The following TLE3 variants were observed in gnomAD, a reference collection of about 807,000 sequenced individuals.
TLE3 encodes the protein transducin-like enhancer protein 3.
TLE3 carries 14 observed loss-of-function variants against 93.0 expected under a neutral mutation model. That is an observed-to-expected ratio of 0.15 (90% CI 0.10 to 0.24). The LOEUF (loss-of-function observed/expected upper bound fraction) is 0.24. Among genes scored for constraint, TLE3 ranks in the 10% least tolerant of loss-of-function variants. TLE3 has a pLI of 1.00. For synonymous variants in TLE3, 451 were observed against 425.0 expected (o/e 1.06, Z -0.75); for missense variants, 693 against 1,046.6 (o/e 0.66, Z 4.66).
At chr15:70,061,980 C>A (rs573105934) in intron 8 of TLE3, among the ~76,000 whole-genome samples, 2 of 152,172 alleles carry the variant, frequency 1.3e-5, no homozygotes, top group African/African-American at 4.8e-5. Flanking sequence ...TTCCCAGAGG[C>A]CAAGCGTGGC....
chr15:70,089,941 T>C (rs1165986007), intron 4 of TLE3, among the ~76,000 whole-genome samples: 2 of 151,922 alleles, frequency 1.3e-5, no homozygotes, highest in Non-Finnish European at 2.9e-5. Flanking sequence ...AGAGAATGAG[T>C]CCCGAATTAG....
chr15:70,082,777 C>G (rs1194851276), intron 4 of TLE3, among the ~76,000 whole-genome samples: 10 of 152,222 alleles, frequency 6.6e-5, no homozygotes, highest in African/African-American at 2.4e-4. Context: ...CCCCTGTACC[C>G]TTCACAGGCG....
chr15:70,059,523 GC>G lies in TLE3; in HGVS notation c.715-64del, dbSNP rs2056326277. ...CCACACTTTCCCCACCCCTGACTGAGCCCAAACCACCCTGTCCTTCTACTGG... is the reference window on the plus strand; with the variant it reads ...CCACACTTTCCCCACCCCTGACTGAGCCAAACCACCCTGTCCTTCTACTGG... On this transcript the variant is annotated intron_variant, in intron 9 of 19. Coordinates refer to ENST00000451782, the MANE Select transcript of TLE3 (RefSeq NM_001105192.3). 12 of 1,516,104 alleles carry G rather than the reference GC, an allele frequency of 7.9e-6. No individual in the cohort carries two copies. The South Asian group carries it at 1.3e-4, about 17-fold the overall frequency. The allele number at this position is 1,516,104 out of a possible 1,614,324, so 93.9% of individuals were successfully genotyped here. A position where few individuals can be genotyped will look rare whatever the true frequency, so the allele number is the denominator to read the frequency against.
intron 6 of TLE3, among the ~76,000 whole-genome samples, chr15:70,069,494 C>T (rs569086718): frequency 2.2e-4 from 33 of 152,294 alleles, no homozygotes; most frequent in Non-Finnish European, 3.5e-4. Flanking sequence ...CAGGTAGGAG[C>T]GTCCTCTTTG....
In TLE3 at chr15:70,096,632, G is replaced by A. The variant is rs1407062224; in HGVS notation, c.24+143C>T. 7 of 1,547,166 alleles carry A rather than the reference G, an allele frequency of 4.5e-6. No homozygotes were observed. The East Asian group carries it at 1.2e-4, about 27-fold the overall frequency. ...CCTCCTCTCTCAACGGCGCCCCCCG[G>A]CCGCATCCCCCTTTGTGTGAGAGCA... On this transcript the variant is annotated intron_variant, in intron 1 of 19. Transcript: ENST00000451782.
chr15:70,075,844 A>C (rs139353337), intron 5 of TLE3, among the ~76,000 whole-genome samples: 223 of 152,298 alleles, frequency 1.5e-3, no homozygotes, highest in African/African-American at 5.2e-3. Flanking sequence ...CCAGCACTCC[A>C]ATCTCTGGAC....
intron 4 of TLE3, chr15:70,079,310 C>T (rs1438444495): frequency 4.2e-6 from 2 of 479,964 alleles, no homozygotes; most frequent in East Asian, 7.3e-5. Flanking sequence ...CGAAGAGAGG[C>T]CTCTCTGCAA....
chr15:70,057,530 G>A lies in TLE3; in HGVS notation c.1180C>T (p.Pro394Ser), dbSNP rs773096656. 6 of 1,607,274 alleles carry A rather than the reference G, an allele frequency of 3.7e-6. No homozygotes were observed. In the African/African-American group the frequency reaches 6.7e-5, roughly 18 times the overall value. Residue 394 changes from proline to serine, a missense_variant, in exon 13 of 20, where the codon CCC (proline) becomes TCC (serine). Around this residue, in one of 4 missense-constraint regions of TLE3, gnomAD observed 405 missense variants for 468.9 expected, o/e 0.86. Coordinates refer to ENST00000451782, the MANE Select transcript of TLE3 (RefSeq NM_001105192.3). ...GAYAGLHNIP[P>S]QMSAAAAAAA... ...GCAGCGGCGGCGGCGCTCATCTGGG[G>A]TGGGATGTTGTGGAGGCCGGCGTAG...
chr15:70,094,942 T>C (rs1006751330), intron 3 of TLE3, among the ~76,000 whole-genome samples: 1 of 152,274 alleles, frequency 6.6e-6, no homozygotes, highest in African/African-American at 2.4e-5. Flanking sequence ...AGGCCTCTTA[T>C]GTGGAAAGCA....
At chr15:70,057,814 A>G in intron 12 of TLE3, 156 bp from the exon 13 acceptor site, 1 of 931,938 alleles carries the variant, frequency 1.1e-6, no homozygotes. Context: ...CTGCCTTCAG[A>G]GCCAAAGAAG....
intron 4 of TLE3, among the ~76,000 whole-genome samples, chr15:70,088,418 T>G (rs1049798146): frequency 2.0e-5 from 3 of 152,236 alleles, no homozygotes; most frequent in Non-Finnish European, 4.4e-5. Context: ...TAAAGAATTT[T>G]TTTTAAATAT....
chr15:70,078,914 G>C (rs747042748), intron 4 of TLE3, among the ~76,000 whole-genome samples: 3 of 152,240 alleles, frequency 2.0e-5, no homozygotes, highest in Non-Finnish European at 4.4e-5. Flanking sequence ...AACAGGCCAA[G>C]GGTCAGGGTC....
At chr15:70,060,974 TG>T (rs748650594) in intron 8 of TLE3, among the ~76,000 whole-genome samples, 6 of 152,220 alleles carry the variant, frequency 3.9e-5, no homozygotes, top group Non-Finnish European at 5.9e-5. Context: ...GAGGGTCACC[TG>T]GGTCTCATTC....
intron 5 of TLE3, 54 bp from the exon 6 acceptor site, chr15:70,074,661 T>A: frequency 6.7e-7 from 1 of 1,500,358 alleles, no homozygotes; most frequent in South Asian, 1.2e-5. Flanking sequence ...ACAGAGGAGG[T>A]CACAGGCTGT....
chr15:70,053,138 G>A lies in TLE3; in HGVS notation c.1974+89C>T, dbSNP rs1293520792. The A allele has an allele frequency of 4.0e-6, 6 of 1,488,330 alleles. No individual in the cohort carries two copies. The African/African-American group carries it at 8.3e-5, about 21-fold the overall frequency. 92.2% of individuals were successfully genotyped at this position (1,488,330 alleles called of 1,614,324 possible). A position where few individuals can be genotyped will look rare whatever the true frequency, so the allele number is the denominator to read the frequency against. On this transcript the variant is annotated intron_variant, in intron 17 of 19. Coordinates refer to ENST00000451782, the MANE Select transcript of TLE3 (RefSeq NM_001105192.3). ...TCTCTTGGCCGTGGCCACTCTGTGA[G>A]GGTCCCTTTGTCCCTGACCCAGCCA...
At position 70,058,890 on chromosome 15, in the gene TLE3, AAGAG is replaced by A; in HGVS notation, c.766-79_766-76del. On this transcript the variant is annotated intron_variant, in intron 10 of 19. Transcript: ENST00000451782. The surrounding 1 kb of genome is among the most constrained non-coding windows in gnomAD (Gnocchi z 4.1). Reference sequence around the variant, plus strand: ...GAGGCTTCCCTGCTCTGGGAGTGGGAAGAGAGAGGGCATGGGCGATGGGAAGACG... The same window carrying A: ...GAGGCTTCCCTGCTCTGGGAGTGGGAAGAGGGCATGGGCGATGGGAAGACG... 3.4e-6 allele frequency: 5 copies of A among 1,462,428 alleles called. No individual in the cohort carries two copies. Among genetic ancestry groups the A allele is most frequent in the Non-Finnish European group, 4.5e-6 (5 of 1,109,832 alleles). The allele number at this position is 1,462,428 out of a possible 1,614,324, so 90.6% of individuals were successfully genotyped here.
intron 4 of TLE3, among the ~76,000 whole-genome samples, chr15:70,078,044 T>C (rs943725873): frequency 6.6e-6 from 1 of 152,228 alleles, no homozygotes; most frequent in Non-Finnish European, 1.5e-5. Flanking sequence ...TTCTGTGCAC[T>C]GCAGGGCTTT....
At position 70,091,025 on chromosome 15, in the gene TLE3, A is replaced by T. The variant is rs549427238; in HGVS notation, c.234+3507T>A. Among the ~76,000 whole-genome samples the T allele has an allele frequency of 3.9e-5, 6 of 152,362 alleles. No individual in the cohort carries two copies. In the East Asian group the frequency reaches 1.2e-3, roughly 29 times the overall value. ...TTACAGAAAAGAGTCCTGGGTTGGA[A>T]GGGAAGCAGCAGTAGCAGCTTTACC... On this transcript the variant is annotated intron_variant, in intron 4 of 19. Transcript: ENST00000451782.
chr15:70,063,723 G>C (rs929044253), intron 8 of TLE3, among the ~76,000 whole-genome samples: 2 of 152,342 alleles, frequency 1.3e-5, no homozygotes, highest in Admixed American at 6.5e-5. Flanking sequence ...CGCTTATTCA[G>C]AAGGCTTATT....
Sources: gnomAD v4.1 joint callset for allele counts (sites outside exome capture counted in the v4.1 genomes callset) on GRCh38, gnomAD v4.1.1 for gene constraint, gnomAD v4.1.1 regional missense constraint, Gnocchi (gnomAD v3.1) non-coding constraint, MANE v1.5 for transcripts, NCBI Gene and HGNC (gene_info 2026-07-23, HGNC 2026-07-21) for gene names.